Variants in ANO3 observed in about 807,000 individuals in gnomAD.
ANO3 encodes anoctamin 3.
Under a neutral mutation model 144.8 loss-of-function variants are expected in ANO3, and 99 were observed. That is an observed-to-expected ratio of 0.68 (90% CI 0.58 to 0.81). The LOEUF (loss-of-function observed/expected upper bound fraction) is 0.81, where lower values mean the gene tolerates loss of function less well. Among genes scored for constraint, ANO3 ranks in the 30% least tolerant of loss-of-function variants. The pLI is 0.00. For missense variants in ANO3, 905 were observed against 1,202.2 expected (o/e 0.75, Z 3.66); for synonymous variants, 414 against 392.6 (o/e 1.05, Z -0.64).
chr11:26,245,548 G>A (rs536280468), intron 1 of ANO3, among the ~76,000 whole-genome samples: 14 of 152,036 alleles, frequency 9.2e-5, no homozygotes, highest in Non-Finnish European at 2.1e-4. Context: ...AAGAACTAAT[G>A]GATTTTTTCC....
intron 13 of ANO3, among the ~76,000 whole-genome samples, chr11:26,556,838 T>A (rs1850095758): frequency 6.6e-6 from 1 of 152,112 alleles, no homozygotes. Context: ...GCATACATGG[T>A]TGAATCTGCC....
At chr11:26,569,619 G>A (rs761651366) in intron 14 of ANO3, among the ~76,000 whole-genome samples, 1 of 152,088 alleles carries the variant, frequency 6.6e-6, no homozygotes, top group Non-Finnish European at 1.5e-5. Flanking sequence ...AAAGCACATT[G>A]CAAGTGACAG....
intron 1 of ANO3, among the ~76,000 whole-genome samples, chr11:26,209,951 T>C (rs531301731): frequency 6.7e-6 from 1 of 149,868 alleles, no homozygotes; most frequent in African/African-American, 2.4e-5. Flanking sequence ...TGTTCACTCA[T>C]GGTAGTTTCT....
intron 3 of ANO3, among the ~76,000 whole-genome samples, chr11:26,451,559 G>A (rs916563978): frequency 6.6e-6 from 1 of 152,192 alleles, no homozygotes; most frequent in African/African-American, 2.4e-5. Context: ...ACTCAGGCTT[G>A]CTTAGGTAAA....
At chr11:26,303,142 C>T (rs1006738175) in intron 1 of ANO3, among the ~76,000 whole-genome samples, 7 of 152,124 alleles carry the variant, frequency 4.6e-5, no homozygotes, top group African/African-American at 9.7e-5. Flanking sequence ...GGAGATTTCT[C>T]GAAGAACTGA....
chr11:26,220,530 G>A (rs1326768540), intron 1 of ANO3, among the ~76,000 whole-genome samples: 3 of 152,152 alleles, frequency 2.0e-5, no homozygotes, highest in African/African-American at 7.2e-5. Context: ...TTACAGTTAG[G>A]CTAAAAGAAA....
chr11:26,429,920 G>A (rs1387171852), intron 1 of ANO3, among the ~76,000 whole-genome samples: 1 of 151,992 alleles, frequency 6.6e-6, no homozygotes, highest in East Asian at 1.9e-4. Flanking sequence ...TTATTTCAAG[G>A]CAGGACACAC....
At chr11:26,377,565 T>C (rs1426985135) in intron 1 of ANO3, among the ~76,000 whole-genome samples, 1 of 151,950 alleles carries the variant, frequency 6.6e-6, no homozygotes, top group Non-Finnish European at 1.5e-5. Context: ...ATATAAAGGA[T>C]GTAATGAGAA....
chr11:26,279,040 G>C lies in ANO3; in HGVS notation c.155-30605G>C, dbSNP rs369190763. ...CAGGGAAGTTCCAGTGTCCTGAAAAGAGGCAATTTTGTATGCAAGATAGAT... is the reference window on the plus strand; with the variant it reads ...CAGGGAAGTTCCAGTGTCCTGAAAACAGGCAATTTTGTATGCAAGATAGAT... On this transcript the variant is annotated intron_variant, in intron 1 of 27. Coordinates refer to the ANO3 transcript ENST00000672621. 2.5e-4 allele frequency among the ~76,000 whole-genome samples: 38 copies of C among 152,238 alleles called. No individual in the cohort carries two copies. In the South Asian group the frequency reaches 7.9e-3, roughly 32 times the overall value.
At chr11:26,305,145 C>T (rs1854349847), upstream of ANO3, among the ~76,000 whole-genome samples, 1 of 148,954 alleles carries the variant, frequency 6.7e-6, no homozygotes, top group South Asian at 2.1e-4. Flanking sequence ...GATTCATTAG[C>T]TCCCTACAAG....
chr11:26,400,765 T>C lies in ANO3; in HGVS notation c.47-41153T>C, dbSNP rs185673267. Among the ~76,000 whole-genome samples, 987 of 151,502 alleles carry C rather than the reference T, an allele frequency of 6.5e-3. 7 individuals carry two copies. The highest frequency in any genetic ancestry group is 0.019 in the African/African-American group (782 of 41,370). ...CAATTAAAGAAAATGGGATTTCCATTAGTAAGGAGGAAGTTGGGAATACAT... is the reference window on the plus strand; with the variant it reads ...CAATTAAAGAAAATGGGATTTCCATCAGTAAGGAGGAAGTTGGGAATACAT... On this transcript the variant is annotated intron_variant, in intron 1 of 26. Transcript: ENST00000256737.
intron 1 of ANO3, among the ~76,000 whole-genome samples, chr11:26,290,644 T>C (rs1348680464): frequency 6.6e-6 from 1 of 152,256 alleles, no homozygotes; most frequent in Non-Finnish European, 1.5e-5. Context: ...AACATCTTTA[T>C]TTCTGCCTTC....
chr11:26,334,086 G>A (rs1855132470), intron 1 of ANO3, among the ~76,000 whole-genome samples: 2 of 152,304 alleles, frequency 1.3e-5, no homozygotes, highest in East Asian at 1.9e-4. Flanking sequence ...AGGTCCGACC[G>A]TCATTGCTCA....
chr11:26,332,353 G>A (rs572653484), intron 1 of ANO3, 32 bp downstream of exon 1: 24 of 1,610,580 alleles, frequency 1.5e-5, no homozygotes, highest in Middle Eastern at 3.3e-4. Flanking sequence ...CTCTCCCTGC[G>A]GGCGTCACTT....
intron 1 of ANO3, among the ~76,000 whole-genome samples, chr11:26,203,763 C>A (rs1851743940): frequency 6.6e-6 from 1 of 152,042 alleles, no homozygotes; most frequent in Admixed American, 6.6e-5. Context: ...TTGTCATGTG[C>A]CTTTAACTAA....
intron 18 of ANO3, among the ~76,000 whole-genome samples, chr11:26,629,388 T>A (rs1852696491): frequency 6.9e-6 from 1 of 144,886 alleles, no homozygotes; most frequent in African/African-American, 2.5e-5. Context: ...CTGCATCTAT[T>A]ACATTATTCC....
intron 1 of ANO3, among the ~76,000 whole-genome samples, chr11:26,335,296 T>G (rs1855163750): frequency 6.6e-6 from 1 of 152,326 alleles, no homozygotes; most frequent in East Asian, 1.9e-4. Flanking sequence ...GCTCAAAAAA[T>G]TTAGTGATTT....
chr11:26,610,329 A>G (rs1322956215), intron 17 of ANO3, among the ~76,000 whole-genome samples: 1 of 110,234 alleles, frequency 9.1e-6, no homozygotes, highest in Non-Finnish European at 2.1e-5. Flanking sequence ...TTTTTTTTAC[A>G]TACCTGTTGA....
intron 1 of ANO3, among the ~76,000 whole-genome samples, chr11:26,259,983 G>T (rs1397672911): frequency 6.6e-6 from 1 of 151,696 alleles, no homozygotes; most frequent in Non-Finnish European, 1.5e-5. Context: ...ACCCCATAGG[G>T]TCTTTCATGC....
Sources: allele counts gnomAD v4.1 joint callset (sites outside exome capture counted in the v4.1 genomes callset), GRCh38; gene constraint gnomAD v4.1.1; transcripts MANE v1.5; gene names NCBI Gene and HGNC (gene_info 2026-07-23, HGNC 2026-07-21).